Variants in FARS2 observed in about 807,000 individuals in gnomAD.
The protein encoded by FARS2 is phenylalanyl-tRNA synthetase 2, mitochondrial, also known as phenylalanine--tRNA ligase, mitochondrial.
In FARS2, 40 loss-of-function variants were observed where a neutral mutation model predicts 46.4. That is an observed-to-expected ratio of 0.86 (90% CI 0.67 to 1.12). The LOEUF (loss-of-function observed/expected upper bound fraction) is 1.12. Among genes scored for constraint, FARS2 ranks in the 50% most tolerant of loss-of-function variants. FARS2 has a pLI of 0.00. For missense variants in FARS2, 513 were observed against 567.9 expected, an observed-to-expected ratio of 0.90 and a Z score of 0.98; for synonymous variants, 234 against 214.9, an observed-to-expected ratio of 1.09 and a Z score of -0.78.
chr6:5,346,078 A>G (rs1032857856), intron 1 of FARS2, among the ~76,000 whole-genome samples: 1 of 152,166 alleles, frequency 6.6e-6, no homozygotes, highest in Non-Finnish European at 1.5e-5. Flanking sequence ...CACCCTGACT[A>G]TCAGGGACGT....
intron 5 of FARS2, among the ~76,000 whole-genome samples, chr6:5,546,501 T>C (rs140594691): frequency 0.019 from 2,947 of 151,574 alleles, 78 homozygotes; most frequent in African/African-American, 0.059. Flanking sequence ...TCGCCCGCCT[T>C]GGCCTCCCGA....
chr6:5,444,092 CGTGTGTGTGTGTGT>C (rs35213574), intron 4 of FARS2, among the ~76,000 whole-genome samples: 5 of 146,312 alleles, frequency 3.4e-5, no homozygotes, highest in South Asian at 2.3e-4. Context: ...GGAAGATCCT[CGTGTGTGTGTGTGT>C]GTGTGTGTGT....
intron 6 of FARS2, among the ~76,000 whole-genome samples, chr6:5,745,746 C>G (rs1261268764): frequency 1.3e-5 from 2 of 152,154 alleles, no homozygotes; most frequent in Non-Finnish European, 2.9e-5. Flanking sequence ...TACTATGTTG[C>G]CCAGGCTAGT....
In FARS2 at chr6:5,318,100, C is replaced by A. The variant is rs534357126; in HGVS notation, c.-21-50450C>A. ...GATAGGTTGGGCGCGGTGGCTCACT[C>A]CTGTAATCCCAGCACTTTGGGAGGC... On this transcript the variant is annotated intron_variant, in intron 1 of 6. Transcript: ENST00000274680. Among the ~76,000 whole-genome samples, 21 of 152,156 alleles carry A rather than the reference C, an allele frequency of 1.4e-4. No individual in the cohort carries two copies. The South Asian group carries it at 4.2e-3, about 30-fold the overall frequency.
intron 4 of FARS2, among the ~76,000 whole-genome samples, chr6:5,438,978 C>T (rs145363809): frequency 1.3e-5 from 2 of 152,164 alleles, no homozygotes; most frequent in South Asian, 4.1e-4. Context: ...GTATATTGCA[C>T]TTTCTGAATG....
chr6:5,307,526 A>G (rs938177074), intron 1 of FARS2, among the ~76,000 whole-genome samples: 1 of 152,312 alleles, frequency 6.6e-6, no homozygotes, highest in Admixed American at 6.5e-5. Flanking sequence ...CCGTCGTATC[A>G]TATTGTATAT....
intron 6 of FARS2, among the ~76,000 whole-genome samples, chr6:5,756,514 G>A (rs748431775): frequency 1.6e-4 from 24 of 152,126 alleles, no homozygotes; most frequent in Non-Finnish European, 2.5e-4. Context: ...GAGAGAGAGC[G>A]AGGGGGAAGC....
rs73718077 is a variant in FARS2 at position 5,364,177 on chromosome 6, C to T, written c.-21-4373C>T. Among the ~76,000 whole-genome samples the T allele has an allele frequency of 3.4e-3, 514 of 152,132 alleles. 4 individuals are homozygous for T. The highest frequency in any genetic ancestry group is 0.012 in the African/African-American group (488 of 41,486). On this transcript the variant is annotated intron_variant, in intron 1 of 6. Coordinates refer to ENST00000274680, the MANE Select transcript of FARS2 (RefSeq NM_006567.5). ...AACCCTGAATTCAGCTCATCTTACC[C>T]GTTACACACTGGGCAATGAGTTAAT...
chr6:5,369,268 C>A (rs183802039), intron 2 of FARS2, 86 bp downstream of exon 2: 48 of 1,342,572 alleles, frequency 3.6e-5, no homozygotes, highest in Admixed American at 1.9e-4. Context: ...ATGAGACCAG[C>A]ATAGTCATCC....
intron 1 of FARS2, among the ~76,000 whole-genome samples, chr6:5,262,481 G>T (rs948617878): frequency 6.6e-6 from 1 of 152,114 alleles, no homozygotes; most frequent in Non-Finnish European, 1.5e-5. Flanking sequence ...GTTTCACCAT[G>T]TTGGTCAGGC....
intron 1 of FARS2, among the ~76,000 whole-genome samples, chr6:5,265,293 A>C (rs1429334644): frequency 6.6e-6 from 1 of 152,220 alleles, no homozygotes; most frequent in African/African-American, 2.4e-5. Flanking sequence ...GCATGGAGGA[A>C]GAAGGGTGCT....
chr6:5,631,713 C>T (rs1023423101), intron 6 of FARS2, among the ~76,000 whole-genome samples: 5 of 152,172 alleles, frequency 3.3e-5, no homozygotes, highest in African/African-American at 1.2e-4. Context: ...TACCATGTGA[C>T]CCGCTTTATG....
At chr6:5,447,090 A>G (rs1291600971) in intron 4 of FARS2, among the ~76,000 whole-genome samples, 1 of 152,180 alleles carries the variant, frequency 6.6e-6, no homozygotes, top group East Asian at 1.9e-4. Flanking sequence ...TATTTAAAGT[A>G]GGAAAATAAT....
intron 6 of FARS2, among the ~76,000 whole-genome samples, chr6:5,763,217 G>A (rs538797376): frequency 1.3e-5 from 2 of 152,152 alleles, no homozygotes; most frequent in South Asian, 4.1e-4. Context: ...CAGGCTCTGG[G>A]AATGCTGGAG....
chr6:5,405,322 CAG>C (rs1341560777), intron 3 of FARS2, among the ~76,000 whole-genome samples: 1 of 151,922 alleles, frequency 6.6e-6, no homozygotes, highest in Non-Finnish European at 1.5e-5. Context: ...GATTGGCACT[CAG>C]AAACTTTTAG....
At chr6:5,681,560 A>C (rs1488007819) in intron 6 of FARS2, among the ~76,000 whole-genome samples, 1 of 152,206 alleles carries the variant, frequency 6.6e-6, no homozygotes, top group East Asian at 1.9e-4. Context: ...TACTTAAAAA[A>C]CGGAAAAAGA....
intron 2 of FARS2, among the ~76,000 whole-genome samples, chr6:5,383,516 T>C (rs1759920864): frequency 6.6e-6 from 1 of 152,144 alleles, no homozygotes; most frequent in Non-Finnish European, 1.5e-5. Context: ...ATAAGTTCTT[T>C]AACGTTAACA....
chr6:5,411,119 C>T (rs1001549065), intron 3 of FARS2, among the ~76,000 whole-genome samples: 4 of 152,022 alleles, frequency 2.6e-5, no homozygotes, highest in East Asian at 1.9e-4. Flanking sequence ...ACAACAACAA[C>T]AACAAAAATC....
At position 5,262,372 on chromosome 6, in the gene FARS2, A is replaced by G. The variant is rs1581634002; in HGVS notation, c.-22+712A>G. On this transcript the variant is annotated intron_variant, in intron 1 of 6. Transcript: ENST00000274680. The stretch of plus-strand genomic sequence containing the variant: ...GGGCTCACTGCAACCTATGCCTCCC[A>G]GGTTCAAGCCATTCTCCTGCCTCAG... Among the ~76,000 whole-genome samples, 6 of 152,030 alleles carry G rather than the reference A, an allele frequency of 3.9e-5. No individual in the cohort carries two copies. The South Asian group carries it at 8.3e-4, about 21-fold the overall frequency.
Sources: allele counts gnomAD v4.1 joint callset (sites outside exome capture counted in the v4.1 genomes callset), GRCh38; gene constraint gnomAD v4.1.1; transcripts MANE v1.5; gene names NCBI Gene and HGNC (gene_info 2026-07-23, HGNC 2026-07-21).